PLAAT1: variants seen among roughly 807,000 people sequenced by gnomAD.
PLAAT1 encodes phospholipase A and acyltransferase 1, also known as H-REV107 protein-related protein.
PLAAT1 carries 13 observed loss-of-function variants against 16.4 expected under a neutral mutation model. That is an observed-to-expected ratio of 0.79 (90% CI 0.52 to 1.26). PLAAT1 has a LOEUF of 1.26. Ranked by LOEUF, PLAAT1 falls within the 50% of genes most tolerant of loss-of-function variation. The probability of loss-of-function intolerance (pLI) is 0.00; values close to 1 mark genes in which losing one functional copy is unlikely to be tolerated. For missense variants in PLAAT1, 218 were observed against 207.8 expected (o/e 1.05, Z -0.30); for synonymous variants, 73 against 78.4 (o/e 0.93, Z 0.36).
intron 3 of PLAAT1, among the ~76,000 whole-genome samples, chr3:193,269,746 G>GCATCAAATTGCATCAAAT (rs1716920339): frequency 6.6e-6 from 1 of 152,084 alleles, no homozygotes; most frequent in African/African-American, 2.4e-5. Context: ...GTGACCTTTG[G>GCATCAAATTGCATCAAAT]GTCATCAAAT....
chr3:193,266,009 G>A (rs115882803), intron 3 of PLAAT1, among the ~76,000 whole-genome samples: 2 of 152,140 alleles, frequency 1.3e-5, no homozygotes, highest in African/African-American at 2.4e-5. Context: ...TTTCAGTTAC[G>A]CAAGACAAGT....
At chr3:193,278,050 C>T (rs985192946), downstream of PLAAT1, among the ~76,000 whole-genome samples, 9 of 152,230 alleles carry the variant, frequency 5.9e-5, no homozygotes, top group East Asian at 7.7e-4. Flanking sequence ...GTGATCCACC[C>T]GCCTTGGCCT....
downstream of PLAAT1, among the ~76,000 whole-genome samples, chr3:193,274,112 C>T (rs553814729): frequency 1.7e-4 from 26 of 152,014 alleles, no homozygotes; most frequent in Middle Eastern, 3.4e-3. Flanking sequence ...GGCATGGTAG[C>T]GGGTGCCTGT....
intron 2 of PLAAT1, chr3:193,276,627 A>G: frequency 3.0e-6 from 2 of 673,550 alleles, no homozygotes; most frequent in South Asian, 2.1e-5. Context: ...GTACCATTTT[A>G]ATAAACCCTT....
At chr3:193,268,229 C>T (rs1298140764) in intron 3 of PLAAT1, among the ~76,000 whole-genome samples, 1 of 152,210 alleles carries the variant, frequency 6.6e-6, no homozygotes, top group African/African-American at 2.4e-5. Flanking sequence ...ATGGCCCACA[C>T]TCTTCAGTAG....
At chr3:193,268,891 T>C (rs1379525383) in intron 3 of PLAAT1, among the ~76,000 whole-genome samples, 1 of 152,168 alleles carries the variant, frequency 6.6e-6, no homozygotes, top group African/African-American at 2.4e-5. Flanking sequence ...GGCCACACCA[T>C]CTATAGGATC....
intron 2 of PLAAT1, among the ~76,000 whole-genome samples, chr3:193,275,883 ATTT>A (rs1262918050): frequency 2.0e-5 from 3 of 152,154 alleles, no homozygotes; most frequent in Non-Finnish European, 4.4e-5. Context: ...AAAAATTTTT[ATTT>A]TATTATGGGA....
chr3:193,263,054 T>A lies in PLAAT1; in HGVS notation c.224T>A (p.Val75Glu). Residue 75 changes from valine (V) to glutamate (E), a missense_variant, in exon 3 of 4, where the codon GTG becomes GAG. Coordinates refer to ENST00000264735, the MANE Select transcript of PLAAT1 (RefSeq NM_020386.5). Reference protein sequence around the residue: ...LVKMQLLKDVVGNDTYRINNK... With the variant: ...LVKMQLLKDVEGNDTYRINNK... ...AAAATGCAGCTCTTGAAGGATGTTGTGGGAAATGACACATACAGAATAAAC... is the reference window on the plus strand; with the variant it reads ...AAAATGCAGCTCTTGAAGGATGTTGAGGGAAATGACACATACAGAATAAAC... The A allele has an allele frequency of 6.2e-7, 1 of 1,614,114 alleles. No homozygotes were observed.
intron 3 of PLAAT1, 125 bp downstream of exon 3, chr3:193,263,360 T>A: frequency 1.1e-6 from 1 of 905,244 alleles, no homozygotes; most frequent in South Asian, 1.8e-5. Context: ...GGATAGAGAA[T>A]GGACTTGAGT....
At chr3:193,251,001 G>A (rs1425878615) in intron 1 of PLAAT1, among the ~76,000 whole-genome samples, 1 of 152,178 alleles carries the variant, frequency 6.6e-6, no homozygotes, top group African/African-American at 2.4e-5. Context: ...GCTGGAGCGA[G>A]CAGGGGAAAG....
chr3:193,276,780 G>A (rs772091429), intron 2 of PLAAT1: 1 of 1,613,224 alleles, frequency 6.2e-7, no homozygotes, highest in South Asian at 1.1e-5. Flanking sequence ...AGAATTGGGT[G>A]AGGGCTACCA....
intron 1 of PLAAT1, among the ~76,000 whole-genome samples, chr3:193,249,259 T>A (rs1358749014): frequency 3.3e-5 from 5 of 152,142 alleles, no homozygotes; most frequent in Admixed American, 3.3e-4. Flanking sequence ...TTTCCACAAT[T>A]TGATTATAAT....
intron 3 of PLAAT1, among the ~76,000 whole-genome samples, chr3:193,270,069 AACAC>A (rs1553807457): frequency 0.035 from 5,237 of 147,906 alleles, 189 homozygotes; most frequent in African/African-American, 0.097. Flanking sequence ...ACATCCCTGA[AACAC>A]ACACACACAC....
In PLAAT1 at chr3:193,257,157, C is replaced by T. The variant is rs775725079; in HGVS notation, c.139+1368C>T. On this transcript the variant is annotated intron_variant, in intron 2 of 3. Coordinates refer to ENST00000264735, the MANE Select transcript of PLAAT1 (RefSeq NM_020386.5). ...ACTCTTAGGTTCTTTTGATCCAACA[C>T]GAAAGAGCTAACTGTAACTACCTGT... Among the ~76,000 whole-genome samples, 12 of 152,190 alleles carry T rather than the reference C, an allele frequency of 7.9e-5. No homozygotes were observed. In the South Asian group the frequency reaches 8.3e-4, roughly 11 times the overall value.
At chr3:193,278,739 T>G (rs780643219), downstream of PLAAT1, among the ~76,000 whole-genome samples, 8 of 152,176 alleles carry the variant, frequency 5.3e-5, no homozygotes, top group South Asian at 2.1e-4. Flanking sequence ...CTGTCTGTCT[T>G]CACACTCTTT....
At chr3:193,281,293 G>A, downstream of PLAAT1, 1 of 724,322 alleles carries the variant, frequency 1.4e-6, no homozygotes, top group Non-Finnish European at 1.7e-6. Context: ...GCTGAGTGGG[G>A]TGCACATCAC....
chr3:193,240,712 C>CGTGT (rs145899216), upstream of PLAAT1, among the ~76,000 whole-genome samples: 7 of 139,096 alleles, frequency 5.0e-5, no homozygotes, highest in South Asian at 1.6e-3. Flanking sequence ...GGCTATCTGG[C>CGTGT]GTGTGTGTGT....
chr3:193,267,936 A>G (rs535328969), intron 3 of PLAAT1, among the ~76,000 whole-genome samples: 117 of 152,316 alleles, frequency 7.7e-4, no homozygotes, highest in Non-Finnish European at 1.3e-3. Flanking sequence ...GCAGTTGCCT[A>G]GTTACATGTA....
upstream of PLAAT1, among the ~76,000 whole-genome samples, chr3:193,240,618 CG>C (rs1715677401): frequency 1.2e-3 from 2 of 1,712 alleles, no homozygotes; most frequent in South Asian, 0.02. Flanking sequence ...GGGAGGGGGG[CG>C]GGGCGGGGTC....
Sources: gnomAD v4.1 joint callset for allele counts (sites outside exome capture counted in the v4.1 genomes callset) on GRCh38, gnomAD v4.1.1 for gene constraint, MANE v1.5 for transcripts, NCBI Gene and HGNC (gene_info 2026-07-23, HGNC 2026-07-21) for gene names.